The following KLF13 variants were observed in gnomAD, a reference collection of about 807,000 sequenced individuals.
The protein encoded by KLF13 is KLF transcription factor 13, also known as Krueppel-like factor 13.
KLF13 carries 8 observed loss-of-function variants against 16.7 expected under a neutral mutation model. The observed-to-expected ratio is 0.48, with a 90% CI of 0.28 to 0.87. The LOEUF (loss-of-function observed/expected upper bound fraction) is 0.87. KLF13 is among the 40% of genes least tolerant of loss of function. KLF13 has a pLI of 0.10. For synonymous variants in KLF13, 245 were observed against 208.4 expected (o/e 1.18, Z -1.51); for missense variants, 447 against 452.2 (o/e 0.99, Z 0.10).
At chr15:31,409,825 T>C (rs2040169568) in intron 1 of KLF13, among the ~76,000 whole-genome samples, 1 of 151,914 alleles carries the variant, frequency 6.6e-6, no homozygotes, top group South Asian at 2.1e-4. Flanking sequence ...CTCAGATAAA[T>C]AAAAACTGAG....
downstream of KLF13, among the ~76,000 whole-genome samples, chr15:31,409,132 A>G (rs1174152279): frequency 5.9e-5 from 9 of 152,058 alleles, no homozygotes; most frequent in Admixed American, 5.9e-4. Flanking sequence ...TAAAAATACA[A>G]AAATTTGCCA....
intron 1 of KLF13, among the ~76,000 whole-genome samples, chr15:31,337,427 T>A (rs1201081734): frequency 2.0e-5 from 3 of 152,216 alleles, no homozygotes; most frequent in African/African-American, 7.2e-5. Context: ...TTTATTATCT[T>A]TTCCAGAGCG....
At chr15:31,359,777 A>G (rs1258387994) in intron 1 of KLF13, among the ~76,000 whole-genome samples, 2 of 152,108 alleles carry the variant, frequency 1.3e-5, no homozygotes, top group African/African-American at 2.4e-5. Context: ...AGCAGCTCAC[A>G]TTGGTGGTTC....
chr15:31,418,823 A>G (rs1047195423), intron 1 of KLF13, among the ~76,000 whole-genome samples: 3 of 152,188 alleles, frequency 2.0e-5, no homozygotes, highest in Non-Finnish European at 4.4e-5. Context: ...ATGAAAAAAT[A>G]TTTAGGTTTG....
chr15:31,336,545 T>G (rs1045583183), intron 1 of KLF13, among the ~76,000 whole-genome samples: 5 of 152,222 alleles, frequency 3.3e-5, no homozygotes, highest in African/African-American at 1.2e-4. Flanking sequence ...TCTACTTGTC[T>G]TTAACCCTTT....
At chr15:31,405,111 T>G (rs111443766), downstream of KLF13, among the ~76,000 whole-genome samples, 882 of 151,912 alleles carry the variant, frequency 5.8e-3, 11 homozygotes, top group African/African-American at 0.02. Context: ...CTTTGGGAGG[T>G]GACTAGGTCA....
At chr15:31,408,640 ATTT>A (rs1270908651), downstream of KLF13, among the ~76,000 whole-genome samples, 55 of 152,206 alleles carry the variant, frequency 3.6e-4, 1 homozygote, top group Non-Finnish European at 7.4e-5. Flanking sequence ...TATGAAAATT[ATTT>A]ACCTCTGTCA....
At position 31,423,139 on chromosome 15, in the gene KLF13, G is replaced by GTATATATACGTATATATACGTATA. The variant is rs1491468052; in HGVS notation, n.118-12227_118-12226insTATACGTATATATACGTATATATA. Among the ~76,000 whole-genome samples the GTATATATACGTATATATACGTATA allele has an allele frequency of 2.2e-3, 33 of 15,154 alleles. 9 individuals are homozygous for GTATATATACGTATATATACGTATA. Among genetic ancestry groups the GTATATATACGTATATATACGTATA allele is most frequent in the African/African-American group, 4.5e-3 (5 of 1,104 alleles). 9.9% of individuals were successfully genotyped at this position (15,154 alleles called of 152,430 possible). ...TATATATACGTATATATACGTATAC[G>GTATATATACGTATATATACGTATA]TATACGTATATATACGTATATATAT... On this transcript the variant is annotated intron_variant and non_coding_transcript_variant, in intron 1 of 1. Coordinates refer to the KLF13 transcript ENST00000558225.
At chr15:31,430,080 G>A (rs1157093442) in intron 1 of KLF13, among the ~76,000 whole-genome samples, 1 of 152,070 alleles carries the variant, frequency 6.6e-6, no homozygotes, top group Non-Finnish European at 1.5e-5. Context: ...GCCTTGGTTG[G>A]AAGGGGAAGA....
At chr15:31,371,937 C>T (rs944164655) in intron 1 of KLF13, 73 bp from the exon 2 acceptor site, 13 of 1,481,060 alleles carry the variant, frequency 8.8e-6, no homozygotes, top group Admixed American at 4.3e-5. Context: ...TTGGGTGTTG[C>T]GGGCCCTTCC....
chr15:31,369,390 A>G (rs1051769705), intron 1 of KLF13, among the ~76,000 whole-genome samples: 8 of 152,266 alleles, frequency 5.3e-5, no homozygotes, highest in Admixed American at 4.6e-4. Flanking sequence ...GTTGTTGTGA[A>G]GAATAAATAA....
rs570929382 is a variant in KLF13 at position 31,423,564 on chromosome 15, G to A, written n.118-11806G>A. Among the ~76,000 whole-genome samples, 10 of 152,128 alleles carry A rather than the reference G, an allele frequency of 6.6e-5. No individual in the cohort carries two copies. The East Asian group carries it at 7.7e-4, about 12-fold the overall frequency. ...GGAGAATGGCTTGAACCCAGGAAGCGGAGGTTGCAGTGAGCCAAGATTGTG... is the reference window on the plus strand; with the variant it reads ...GGAGAATGGCTTGAACCCAGGAAGCAGAGGTTGCAGTGAGCCAAGATTGTG... On this transcript the variant is annotated intron_variant and non_coding_transcript_variant, in intron 1 of 1. Coordinates refer to the KLF13 transcript ENST00000558225.
chr15:31,357,873 C>T (rs1655296625), intron 1 of KLF13, among the ~76,000 whole-genome samples: 1 of 152,180 alleles, frequency 6.6e-6, no homozygotes, highest in South Asian at 2.1e-4. Flanking sequence ...TCCTTGCCTT[C>T]TCTGCTGTCT....
chr15:31,365,789 G>T (rs1320025254), intron 1 of KLF13, among the ~76,000 whole-genome samples: 2 of 152,130 alleles, frequency 1.3e-5, no homozygotes, highest in Non-Finnish European at 2.9e-5. Flanking sequence ...TGAGCTGGCT[G>T]CATTTGCATG....
At chr15:31,422,132 CAAAA>C (rs72041709) in intron 1 of KLF13, among the ~76,000 whole-genome samples, 1 of 77,830 alleles carries the variant, frequency 1.3e-5, no homozygotes, top group East Asian at 2.7e-4. Flanking sequence ...AACAAACAAA[CAAAA>C]AAAAAAAAAA....
At chr15:31,352,152 C>T (rs1241614457) in intron 1 of KLF13, among the ~76,000 whole-genome samples, 3 of 152,192 alleles carry the variant, frequency 2.0e-5, no homozygotes, top group East Asian at 1.9e-4. Context: ...GGGGTCGCCA[C>T]GCTGCCCCGT....
intron 1 of KLF13, among the ~76,000 whole-genome samples, chr15:31,335,262 T>C (rs181584305): frequency 2.0e-5 from 3 of 152,062 alleles, no homozygotes; most frequent in Admixed American, 6.6e-5. Context: ...GGGGGAGACA[T>C]GAAGTTTGTT....
chr15:31,413,236 G>A (rs1444384045), intron 1 of KLF13, among the ~76,000 whole-genome samples: 1 of 148,732 alleles, frequency 6.7e-6, no homozygotes. Flanking sequence ...AGAGATATGC[G>A]GGACACCATT....
At chr15:31,406,707 G>A (rs1034741799), downstream of KLF13, among the ~76,000 whole-genome samples, 1 of 152,178 alleles carries the variant, frequency 6.6e-6, no homozygotes, top group Non-Finnish European at 1.5e-5. Flanking sequence ...GGCTCTAAGG[G>A]ACAATCTGTT....
Sources: gnomAD v4.1 joint callset for allele counts (sites outside exome capture counted in the v4.1 genomes callset) on GRCh38, gnomAD v4.1.1 for gene constraint, MANE v1.5 for transcripts, NCBI Gene and HGNC (gene_info 2026-07-23, HGNC 2026-07-21) for gene names.